Variants in CCNY observed in about 807,000 individuals in gnomAD.
The protein encoded by CCNY is cyclin-Y.
A neutral mutation model predicts 42.8 loss-of-function variants in CCNY; 19 were observed. The observed-to-expected ratio is 0.44, with a 90% CI of 0.31 to 0.65. The LOEUF is 0.65. Ranked by LOEUF, CCNY falls within the 30% of genes least tolerant of loss-of-function variation. The pLI is 0.07. For synonymous variants in CCNY, 165 were observed against 162.7 expected (o/e 1.01, Z -0.11); for missense variants, 370 against 437.3 (o/e 0.85, Z 1.37).
intron 1 of CCNY, among the ~76,000 whole-genome samples, chr10:35,443,334 A>C (rs1209483614): frequency 6.6e-6 from 1 of 152,248 alleles, no homozygotes; most frequent in Non-Finnish European, 1.5e-5. Context: ...TGACTTTTGA[A>C]ATAACAGTTA....
intron 3 of CCNY, among the ~76,000 whole-genome samples, chr10:35,283,440 G>A (rs937571221): frequency 4.0e-5 from 6 of 151,206 alleles, no homozygotes; most frequent in African/African-American, 7.3e-5. Context: ...TCGCTCTGTC[G>A]CCCAGGCTGG....
intron 3 of CCNY, among the ~76,000 whole-genome samples, chr10:35,320,603 T>C (rs1338563225): frequency 6.6e-6 from 1 of 152,022 alleles, no homozygotes; most frequent in Non-Finnish European, 1.5e-5. Context: ...AACATTACAC[T>C]GGAAGTCCTA....
At chr10:35,557,224 A>G (rs1212452265) in intron 8 of CCNY, among the ~76,000 whole-genome samples, 1 of 152,232 alleles carries the variant, frequency 6.6e-6, no homozygotes, top group African/African-American at 2.4e-5. Context: ...CCAGAGTAAT[A>G]TGAAACTCAC....
At chr10:35,313,801 C>G (rs1004556519) in intron 3 of CCNY, among the ~76,000 whole-genome samples, 6 of 151,718 alleles carry the variant, frequency 4.0e-5, no homozygotes, top group Middle Eastern at 6.8e-3. Flanking sequence ...GTTGAAACAC[C>G]GTCTCTACCA....
intron 7 of CCNY, among the ~76,000 whole-genome samples, chr10:35,542,651 C>T (rs1021046338): frequency 1.2e-4 from 19 of 152,334 alleles, no homozygotes; most frequent in African/African-American, 4.1e-4. Flanking sequence ...TGCAGCACGG[C>T]TGTCCGATGC....
chr10:35,563,272 A>C (rs1252513810), intron 8 of CCNY, among the ~76,000 whole-genome samples: 1 of 152,192 alleles, frequency 6.6e-6, no homozygotes, highest in Non-Finnish European at 1.5e-5. Flanking sequence ...CAGAAACTCA[A>C]GCTTGGAGAA....
chr10:35,406,193 C>CTTTTT (rs1564398836), intron 1 of CCNY, among the ~76,000 whole-genome samples: 1 of 120,480 alleles, frequency 8.3e-6, no homozygotes, highest in Non-Finnish European at 1.7e-5. Context: ...TTTTTTTTTT[C>CTTTTT]TTTTTTATTT....
rs184172007 is a variant in CCNY, at chr10:35,347,357, G to T, written c.154+10150G>T. On this transcript the variant is annotated intron_variant, in intron 1 of 9. Coordinates refer to ENST00000374704, the MANE Select transcript of CCNY (RefSeq NM_145012.6). ...GCCAGTTTGCTTTGTGAGCTTTGCAGAAATCCCAGTTGGGTGGTGAAATGC... is the reference window on the plus strand; with the variant it reads ...GCCAGTTTGCTTTGTGAGCTTTGCATAAATCCCAGTTGGGTGGTGAAATGC... 3 of 690,646 alleles carry T rather than the reference G, an allele frequency of 4.3e-6. No homozygotes were observed. In the East Asian group the frequency reaches 4.0e-4, roughly 93 times the overall value. The allele number at this position is 690,646 out of a possible 1,614,324, so 42.8% of individuals were successfully genotyped here.
chr10:35,450,360 C>T (rs1437164464), intron 1 of CCNY, among the ~76,000 whole-genome samples: 2 of 152,006 alleles, frequency 1.3e-5, no homozygotes, highest in Non-Finnish European at 2.9e-5. Flanking sequence ...CAGTGGCATC[C>T]TGGGTTTTAG....
chr10:35,454,078 A>G (rs531577577), intron 1 of CCNY, among the ~76,000 whole-genome samples: 3 of 152,174 alleles, frequency 2.0e-5, no homozygotes, highest in Admixed American at 1.3e-4. Flanking sequence ...AGAGGAACAC[A>G]TGGCTTATTT....
At position 35,424,144 on chromosome 10, in the gene CCNY, T is replaced by C. The variant is rs998635628; in HGVS notation, c.155-59260T>C. Among the ~76,000 whole-genome samples the C allele has an allele frequency of 2.6e-5, 4 of 152,182 alleles. No individual in the cohort carries two copies. The East Asian group carries it at 7.7e-4, about 29-fold the overall frequency. ...GTAATCATAGCTCCTGCAGAGTAGT[T>C]ATGAGGATTGAATGAGTCAGTATAC... On this transcript the variant is annotated intron_variant, in intron 1 of 9. Transcript: ENST00000374704.
At chr10:35,528,297 G>A (rs1436202467) in intron 5 of CCNY, among the ~76,000 whole-genome samples, 1 of 152,210 alleles carries the variant, frequency 6.6e-6, no homozygotes, top group East Asian at 1.9e-4. Context: ...TTTGCTCACA[G>A]ACTACCTGCT....
intron 1 of CCNY, among the ~76,000 whole-genome samples, chr10:35,357,064 C>T (rs1181368798): frequency 3.3e-5 from 5 of 151,782 alleles, no homozygotes; most frequent in Admixed American, 6.6e-5. Context: ...GCCCTGCATG[C>T]TCTTCCCAAA....
At position 35,389,584 on chromosome 10, in the gene CCNY, C is replaced by T. The variant is rs1837369966; in HGVS notation, c.154+52377C>T. On this transcript the variant is annotated intron_variant, in intron 1 of 9. Coordinates refer to ENST00000374704, the MANE Select transcript of CCNY (RefSeq NM_145012.6). ...CCTCCCAAGTAGCTGGGATTACAGG[C>T]GCCTGCCACCATGCCCAGCTAATTT... Among the ~76,000 whole-genome samples the T allele has an allele frequency of 2.6e-5, 4 of 151,800 alleles. No homozygotes were observed. The South Asian group carries it at 6.2e-4, about 24-fold the overall frequency.
At chr10:35,562,991 C>T (rs1841496182) in intron 8 of CCNY, among the ~76,000 whole-genome samples, 1 of 151,384 alleles carries the variant, frequency 6.6e-6, no homozygotes, top group Non-Finnish European at 1.5e-5. Context: ...TGTTGGTCGA[C>T]TTGAATATAT....
At position 35,479,805 on chromosome 10, in the gene CCNY, C is replaced by G. The variant is rs530248970; in HGVS notation, c.155-3599C>G. 3.3e-5 allele frequency among the ~76,000 whole-genome samples: 5 copies of G among 152,156 alleles called. No homozygotes were observed. The East Asian group carries it at 9.6e-4, about 29-fold the overall frequency. ...ACATCATAGAGGTGAACTGAAACCA[C>G]TACGCTCTTCCAGATGTATTCTACC... On this transcript the variant is annotated intron_variant, in intron 1 of 9. Transcript: ENST00000374704.
chr10:35,282,205 T>C (rs1432794168), intron 3 of CCNY, among the ~76,000 whole-genome samples: 1 of 143,974 alleles, frequency 6.9e-6, no homozygotes, highest in East Asian at 2.2e-4. Flanking sequence ...CACTGCAGCC[T>C]CAAACTGCTG....
chr10:35,494,845 G>C (rs114057005), intron 2 of CCNY, among the ~76,000 whole-genome samples: 1 of 152,034 alleles, frequency 6.6e-6, no homozygotes, highest in Non-Finnish European at 1.5e-5. Flanking sequence ...GTATATATGC[G>C]CACAAAAGAG....
chr10:35,501,502 G>A lies in CCNY; in HGVS notation c.231G>A (p.Val77=). The change falls in exon 3 of 10, where the codon GTG becomes GTA. Residue 77 remains valine (V), a splice_region_variant and synonymous_variant. Coordinates refer to ENST00000374704, the MANE Select transcript of CCNY (RefSeq NM_145012.6). ...TIFLSKSQTD[V]REKRKSLFIN... ...CTGTTGCATCTTTTGTTTTCACAGT[G>A]AGAGAAAAACGCAAGAGTCTCTTCA... 1 of 1,613,820 alleles carries A rather than the reference G, an allele frequency of 6.2e-7. No homozygotes were observed. Among genetic ancestry groups the A allele is most frequent in the Non-Finnish European group, 8.5e-7 (1 of 1,179,698 alleles).
Sources: gnomAD v4.1 joint callset for allele counts (sites outside exome capture counted in the v4.1 genomes callset) on GRCh38, gnomAD v4.1.1 for gene constraint, MANE v1.5 for transcripts, NCBI Gene and HGNC (gene_info 2026-07-23, HGNC 2026-07-21) for gene names.